The following PIR variants were observed in gnomAD, a reference collection of about 807,000 sequenced individuals.
PIR encodes pirin.
Under a neutral mutation model 24.2 loss-of-function variants are expected in PIR, and 22 were observed. The observed-to-expected ratio is 0.91, with a 90% confidence interval of 0.65 to 1.30. The LOEUF (loss-of-function observed/expected upper bound fraction) is 1.30, where lower values mean the gene tolerates loss of function less well. PIR is among the 50% of genes most tolerant of loss of function. The pLI, the probability that PIR is intolerant of heterozygous loss-of-function variation, is 0.00. For missense variants in PIR, 220 were observed against 220.3 expected (o/e 1.00, Z 0.01); for synonymous variants, 80 against 79.6 (o/e 1.00, Z -0.03).
chrX:15,472,704 T>C (rs927249005), intron 3 of PIR, among the ~76,000 whole-genome samples: 17 of 112,140 alleles, frequency 1.5e-4, no homozygotes, highest in African/African-American at 4.9e-4. Context: ...TCAGGTTTAC[T>C]TTCTGGGCTG....
At chrX:15,428,338 T>G (rs1411420036) in intron 5 of PIR, among the ~76,000 whole-genome samples, 1 of 111,860 alleles carries the variant, frequency 8.9e-6, no homozygotes, top group Non-Finnish European at 1.9e-5. Flanking sequence ...TGATGAGGAC[T>G]TCTAAAATTA....
At position 15,407,542 on chromosome X, in the gene PIR, T is replaced by C; in HGVS notation, c.574A>G (p.Ser192Gly). The change falls in exon 7 of 10, where the codon AGC (serine) becomes GGC (glycine). Residue 192 changes from serine to glycine, a missense_variant. Coordinates refer to ENST00000380420, the MANE Select transcript of PIR (RefSeq NM_001018109.3). The stretch of plus-strand genomic sequence containing the variant: ...TCTCCAGATATCGTGTAAATGAAGC[T>C]TGTCCACCCTGGAAAGGACCAGCAA... ...HSQPIPKGWT[S>G]FIYTISGDVY... The C allele has an allele frequency of 8.3e-7, 1 of 1,200,491 alleles. No individual in the cohort carries two copies. The highest frequency in any genetic ancestry group is 3.0e-5 in the East Asian group (1 of 33,822).
chrX:15,472,384 T>A (rs963387199), intron 3 of PIR, among the ~76,000 whole-genome samples: 5 of 111,761 alleles, frequency 4.5e-5, no homozygotes, highest in African/African-American at 1.6e-4. Context: ...AGTCTATGAA[T>A]AAAGGTGTAA....
At chrX:15,421,726 T>G (rs1253826610) in intron 6 of PIR, among the ~76,000 whole-genome samples, 1 of 109,435 alleles carries the variant, frequency 9.1e-6, no homozygotes, top group East Asian at 2.8e-4. Flanking sequence ...AAAGACAAAT[T>G]AATACCAATC....
At chrX:15,453,975 T>C (rs1419171316) in intron 5 of PIR, among the ~76,000 whole-genome samples, 3 of 111,647 alleles carry the variant, frequency 2.7e-5, no homozygotes, top group Non-Finnish European at 1.9e-5. Flanking sequence ...TCTGCTTTGG[T>C]TGAAGCAGAA....
intron 4 of PIR, among the ~76,000 whole-genome samples, chrX:15,458,646 T>G (rs1921176711): frequency 1.8e-5 from 2 of 111,841 alleles, no homozygotes; most frequent in Admixed American, 1.9e-4. Context: ...CTCAAAAAGA[T>G]AATAATAATA....
At chrX:15,438,663 G>A (rs888666892) in intron 5 of PIR, among the ~76,000 whole-genome samples, 2 of 111,655 alleles carry the variant, frequency 1.8e-5, no homozygotes, top group Middle Eastern at 4.2e-3. Context: ...GAGACCTGTA[G>A]GTGCCATCAT....
chrX:15,399,327 G>C (rs1373502381), intron 7 of PIR, among the ~76,000 whole-genome samples: 1 of 112,507 alleles, frequency 8.9e-6, no homozygotes, highest in Non-Finnish European at 1.9e-5. Flanking sequence ...GGACATATTT[G>C]TTGGAGTCCA....
intron 6 of PIR, among the ~76,000 whole-genome samples, chrX:15,419,485 A>G (rs1049043900): frequency 1.8e-5 from 2 of 110,522 alleles, no homozygotes; most frequent in African/African-American, 6.6e-5. Context: ...GATGTATTGG[A>G]AAAGAAAGGA....
intron 5 of PIR, among the ~76,000 whole-genome samples, chrX:15,434,007 A>C (rs201351794): frequency 7.2e-5 from 2 of 27,844 alleles, no homozygotes; most frequent in Non-Finnish European, 1.2e-4. Context: ...AAGGAGAAAG[A>C]AGGAGGAGGA....
In PIR at chrX:15,448,175, C is replaced by T. The variant is rs73451228; in HGVS notation, c.480+7673G>A. ...CCCTGGGCAAGAGGAAGCTTTTGTC[C>T]AGCTGATTTGAGCAGATCCTGACCA... On this transcript the variant is annotated intron_variant, in intron 5 of 9. Transcript: ENST00000380420. Among the ~76,000 whole-genome samples the T allele has an allele frequency of 7.4e-3, 825 of 112,241 alleles. 10 individuals are homozygous for T. The highest frequency in any genetic ancestry group is 0.025 in the African/African-American group (780 of 30,882).
At chrX:15,477,687 G>A (rs62578875) in intron 3 of PIR, among the ~76,000 whole-genome samples, 34,448 of 110,278 alleles carry the variant, frequency 0.31, 4,052 homozygotes, top group East Asian at 0.51. Flanking sequence ...ACAAAAGGTG[G>A]ACAAAGTGGC....
chrX:15,424,243 T>C (rs1176050673), intron 6 of PIR, among the ~76,000 whole-genome samples: 1 of 112,230 alleles, frequency 8.9e-6, no homozygotes, highest in African/African-American at 3.2e-5. Flanking sequence ...ATAAAAAGAA[T>C]GAAATCCTGT....
Position 15,445,974 on chromosome X carries a change from C to T in PIR, c.480+9874G>A, listed in dbSNP as rs1353349892. Among the ~76,000 whole-genome samples the T allele has an allele frequency of 2.8e-5, 3 of 107,779 alleles. No homozygotes were observed. The East Asian group carries it at 8.7e-4, about 31-fold the overall frequency. 93.6% of individuals were successfully genotyped at this position (107,779 alleles called of 115,157 possible). A position where few individuals can be genotyped will look rare whatever the true frequency, so the allele number is the denominator to read the frequency against. ...CCTCCCGAGTAGCTGGGACTACAGG[C>T]ACCCACCACCACGCCTGGCTAATTT... On this transcript the variant is annotated intron_variant, in intron 5 of 9. Transcript: ENST00000380420.
At chrX:15,417,237 G>A (rs1176337169) in intron 6 of PIR, among the ~76,000 whole-genome samples, 16 of 85 alleles carry the variant, frequency 0.19, no homozygotes, top group African/African-American at 0.3. Flanking sequence ...GGTGTGAGCC[G>A]CAGCGCCAGC....
At chrX:15,405,630 C>T (rs1260752626) in intron 7 of PIR, among the ~76,000 whole-genome samples, 2 of 112,452 alleles carry the variant, frequency 1.8e-5, no homozygotes, top group Non-Finnish European at 3.8e-5. Context: ...GCACTACCTC[C>T]ATAAAAATGT....
chrX:15,482,285 A>T (rs1214462876), intron 2 of PIR, among the ~76,000 whole-genome samples: 1 of 111,671 alleles, frequency 9.0e-6, no homozygotes. Flanking sequence ...TCTCTACAAC[A>T]GTCTTGAGTA....
intron 5 of PIR, among the ~76,000 whole-genome samples, chrX:15,432,391 T>C (rs1410611195): frequency 8.9e-6 from 1 of 111,882 alleles, no homozygotes; most frequent in Non-Finnish European, 1.9e-5. Flanking sequence ...ATAAATAGGA[T>C]GCAGAGAGAG....
At chrX:15,464,551 A>C in intron 3 of PIR, 7 of 352,129 alleles carry the variant, frequency 2.0e-5, no homozygotes, top group Non-Finnish European at 1.8e-5. Flanking sequence ...GAGTAGCTCC[A>C]TATTACATGT....
Sources: gnomAD v4.1 joint callset for allele counts (sites outside exome capture counted in the v4.1 genomes callset) on GRCh38, gnomAD v4.1.1 for gene constraint, MANE v1.5 for transcripts, NCBI Gene and HGNC (gene_info 2026-07-23, HGNC 2026-07-21) for gene names.